CPNE5: variants seen among roughly 807,000 people sequenced by gnomAD.
The protein encoded by CPNE5 is copine 5.
A neutral mutation model predicts 81.1 loss-of-function variants in CPNE5; 42 were observed. The ratio of observed to expected loss-of-function variants is 0.52; its 90% CI spans 0.40 to 0.67. CPNE5 has a LOEUF of 0.67. Among genes scored for constraint, CPNE5 ranks in the 30% least tolerant of loss-of-function variants. CPNE5 has a pLI of 0.00. For synonymous variants in CPNE5, 313 were observed against 321.5 expected (o/e 0.97, Z 0.28); for missense variants, 612 against 815.5 (o/e 0.75, Z 3.04).
At chr6:36,835,393 G>A (rs560111701) in intron 1 of CPNE5, among the ~76,000 whole-genome samples, 1 of 152,314 alleles carries the variant, frequency 6.6e-6, no homozygotes, top group African/African-American at 2.4e-5. Flanking sequence ...GGAAGGAAGA[G>A]CTCTTGGCTC....
rs2150348746 is a variant in CPNE5 at position 36,742,141 on chromosome 6, CT to C, written c.*126del. The C allele has an allele frequency of 5.8e-6, 4 of 691,312 alleles. No homozygotes were observed. The South Asian group carries it at 6.0e-5, about 10-fold the overall frequency. The allele number at this position is 691,312 out of a possible 1,614,324, so 42.8% of individuals were successfully genotyped here. A position where few individuals can be genotyped will look rare whatever the true frequency, so the allele number is the denominator to read the frequency against. On this transcript the variant is annotated 3_prime_UTR_variant, in exon 21 of 21. Transcript: ENST00000244751. Reference sequence around the variant, plus strand: ...GAGGGGTCTTCAGAAGCCCCACCCCCTGGCAGCCTCCCAGGCACACAGATGT... The same window carrying C: ...GAGGGGTCTTCAGAAGCCCCACCCCCGGCAGCCTCCCAGGCACACAGATGT...
At position 36,746,055 on chromosome 6, in the gene CPNE5, C is replaced by T; in HGVS notation, c.1200+341G>A. On this transcript the variant is annotated intron_variant, in intron 16 of 20. Transcript: ENST00000244751. The surrounding 1 kb of genome is among the most constrained non-coding windows in gnomAD (Gnocchi z 4.5). ...AGATCCACGTCATCCCATCTCAGCA[C>T]TGACTCAGGGATACCCAACCCACAC... is the stretch of plus-strand genomic sequence containing the variant. 1 of 488,366 alleles carries T rather than the reference C, an allele frequency of 2.0e-6. No individual in the cohort carries two copies. The highest frequency in any genetic ancestry group is 8.8e-5 in the South Asian group (1 of 11,302). The allele number at this position is 488,366 out of a possible 1,614,324, so 30.3% of individuals were successfully genotyped here. A position where few individuals can be genotyped will look rare whatever the true frequency, so the allele number is the denominator to read the frequency against.
chr6:36,742,451 G>A lies in CPNE5; in HGVS notation c.1599C>T (p.Gly533=), dbSNP rs1366645303. The A allele has an allele frequency of 4.3e-6, 7 of 1,613,142 alleles. No homozygotes were observed. In the Admixed American group the frequency reaches 6.7e-5, roughly 15 times the overall value. The part of the protein sequence containing the change: ...VPFRDYVDRT[G]NHVLSMARLA... ...GGCGGGCCATGCTCAGCACGTGGTTGCCTGTGCGGTCCACGTAGTCCCGGA... is the reference window on the plus strand; with the variant it reads ...GGCGGGCCATGCTCAGCACGTGGTTACCTGTGCGGTCCACGTAGTCCCGGA... The change falls in exon 21 of 21, where the codon GGC becomes GGT. Residue 533 remains glycine (G), a synonymous_variant. Transcript: ENST00000244751.
chr6:36,779,358 T>C (rs1288365821), intron 8 of CPNE5, among the ~76,000 whole-genome samples: 1 of 152,176 alleles, frequency 6.6e-6, no homozygotes, highest in East Asian at 1.9e-4. Flanking sequence ...CCTTGATGGA[T>C]GTGAACACAC....
chr6:36,791,683 G>A (rs1483614003), intron 8 of CPNE5, among the ~76,000 whole-genome samples: 2 of 152,182 alleles, frequency 1.3e-5, no homozygotes, highest in African/African-American at 4.8e-5. Context: ...AGACTGAAAA[G>A]GTCTTTGCTG....
chr6:36,813,596 A>T (rs1194171134), intron 3 of CPNE5, among the ~76,000 whole-genome samples: 1 of 152,208 alleles, frequency 6.6e-6, no homozygotes, highest in Non-Finnish European at 1.5e-5. Flanking sequence ...AGAACTCTTT[A>T]TATGGCCTCT....
At chr6:36,791,702 T>C (rs1195057530) in intron 8 of CPNE5, among the ~76,000 whole-genome samples, 1 of 152,158 alleles carries the variant, frequency 6.6e-6, no homozygotes, top group Admixed American at 6.5e-5. Context: ...TGCCACAGTG[T>C]TGGTGCCAAG....
chr6:36,752,791 T>C (rs1201900806), intron 14 of CPNE5, among the ~76,000 whole-genome samples: 1 of 152,214 alleles, frequency 6.6e-6, no homozygotes, highest in Admixed American at 6.5e-5. Context: ...CATGGAGACC[T>C]GACATGACCC....
In CPNE5 at chr6:36,768,238, T is replaced by C. The variant is rs1392221849; in HGVS notation, c.738-2862A>G. On this transcript the variant is annotated intron_variant, in intron 10 of 20. Transcript: ENST00000244751. ...CTATTCACAGTTCTTTTTTTTTTTT[T>C]TTTTTTTTTTTTTTGAGACAGAGTC... 5.9e-4 allele frequency among the ~76,000 whole-genome samples: 66 copies of C among 112,442 alleles called. 11 individuals are homozygous for C. The highest frequency in any genetic ancestry group is 5.4e-4 in the Non-Finnish European group (28 of 52,148). 73.8% of individuals were successfully genotyped at this position (112,442 alleles called of 152,430 possible). A position where few individuals can be genotyped will look rare whatever the true frequency, so the allele number is the denominator to read the frequency against.
chr6:36,828,884 A>G (rs1772749085), intron 1 of CPNE5, among the ~76,000 whole-genome samples: 1 of 152,212 alleles, frequency 6.6e-6, no homozygotes, highest in Non-Finnish European at 1.5e-5. Flanking sequence ...GACCTCTGGC[A>G]TGTCATTTAG....
At chr6:36,809,378 C>T (rs1177659741) in intron 3 of CPNE5, among the ~76,000 whole-genome samples, 4 of 152,062 alleles carry the variant, frequency 2.6e-5, no homozygotes, top group Non-Finnish European at 4.4e-5. Flanking sequence ...GAGTTCGAGA[C>T]CAACCTGGGC....
chr6:36,764,624 G>C (rs971882004), intron 11 of CPNE5, among the ~76,000 whole-genome samples: 1 of 152,062 alleles, frequency 6.6e-6, no homozygotes, highest in Non-Finnish European at 1.5e-5. Flanking sequence ...CTGAAGCTTC[G>C]AGAGGCCTGC....
intron 12 of CPNE5, among the ~76,000 whole-genome samples, chr6:36,758,567 AATTACTACTACT>A (rs1375298511): frequency 6.6e-6 from 1 of 152,216 alleles, no homozygotes; most frequent in East Asian, 1.9e-4. Flanking sequence ...TATTTTTCAA[AATTACTACTACT>A]ATTATTACTG....
At chr6:36,779,400 G>A (rs980642889) in intron 8 of CPNE5, among the ~76,000 whole-genome samples, 4 of 152,226 alleles carry the variant, frequency 2.6e-5, no homozygotes, top group Admixed American at 6.5e-5. Flanking sequence ...TGAGTGGCTC[G>A]GAAAGGTGAC....
intron 1 of CPNE5, chr6:36,827,762 C>G (rs567183467): frequency 1.0e-6 from 1 of 985,250 alleles, no homozygotes; most frequent in Non-Finnish European, 1.2e-6. Flanking sequence ...TCCGCCCTGA[C>G]GAAGGGCCCG....
chr6:36,741,128 TG>T lies in CPNE5; in HGVS notation c.*1139del, dbSNP rs1461772468. 2 of 152,090 alleles carry T rather than the reference TG, an allele frequency of 1.3e-5. No homozygotes were observed. The highest frequency in any genetic ancestry group is 2.1e-4 in the South Asian group (1 of 4,824). The allele number at this position is 152,090 out of a possible 1,614,324, so 9.4% of individuals were successfully genotyped here. A position where few individuals can be genotyped will look rare whatever the true frequency, so the allele number is the denominator to read the frequency against. ...CCAGGCTGAAGGACTAGGGTATGTT[TG>T]GGGTGATGGGATGAGACAGGGTGAC... is the stretch of plus-strand genomic sequence containing the variant. On this transcript the variant is annotated 3_prime_UTR_variant, in exon 21 of 21. Coordinates refer to ENST00000244751, the MANE Select transcript of CPNE5 (RefSeq NM_020939.2).
intron 1 of CPNE5, among the ~76,000 whole-genome samples, chr6:36,831,106 G>A (rs1365111363): frequency 6.6e-6 from 1 of 152,088 alleles, no homozygotes; most frequent in African/African-American, 2.4e-5. Flanking sequence ...CCAGGCTGGA[G>A]TGCAGTGGTG....
intron 3 of CPNE5, among the ~76,000 whole-genome samples, chr6:36,805,001 A>G (rs1031814320): frequency 6.7e-6 from 1 of 148,902 alleles, no homozygotes; most frequent in Non-Finnish European, 1.5e-5. Flanking sequence ...TACTTGGACG[A>G]ATAACAAAGG....
At chr6:36,782,367 C>T (rs1768103747) in intron 8 of CPNE5, among the ~76,000 whole-genome samples, 1 of 152,026 alleles carries the variant, frequency 6.6e-6, no homozygotes, top group South Asian at 2.1e-4. Flanking sequence ...GTTTTGCTTC[C>T]TAGGAACCCC....
Sources: allele counts gnomAD v4.1 joint callset (sites outside exome capture counted in the v4.1 genomes callset), GRCh38; gene constraint gnomAD v4.1.1; non-coding constraint Gnocchi (gnomAD v3.1); transcripts MANE v1.5; gene names NCBI Gene and HGNC (gene_info 2026-07-23, HGNC 2026-07-21).